Variants in RBFOX1 observed in about 807,000 individuals in gnomAD.
The protein encoded by RBFOX1 is RNA binding fox-1 homolog 1.
In RBFOX1, 8 loss-of-function variants were observed where a neutral mutation model predicts 57.7. The ratio of observed to expected loss-of-function variants is 0.14; its 90% CI spans 0.08 to 0.25. RBFOX1 has a LOEUF of 0.25. RBFOX1 is among the 10% of genes least tolerant of loss of function. RBFOX1 has a pLI of 1.00. For missense variants in RBFOX1, 611 were observed against 548.5 expected (o/e 1.11, Z -1.14); for synonymous variants, 326 against 222.4 (o/e 1.47, Z -4.15).
At chr16:6,014,941 A>C (rs76643839), upstream of RBFOX1, among the ~76,000 whole-genome samples, 16,350 of 150,926 alleles carry the variant, frequency 0.11, 1,265 homozygotes, top group African/African-American at 0.22. Context: ...CTGTAGCCTC[A>C]AGCTCCCAGG....
chr16:5,963,482 G>A (rs967299008), intron 4 of RBFOX1, among the ~76,000 whole-genome samples: 4 of 152,304 alleles, frequency 2.6e-5, no homozygotes, highest in African/African-American at 9.6e-5. Context: ...GAAGCTGGAG[G>A]TATCACACTT....
At chr16:7,241,590 C>T (rs985257362) in intron 4 of RBFOX1, among the ~76,000 whole-genome samples, 3 of 151,944 alleles carry the variant, frequency 2.0e-5, no homozygotes, top group Admixed American at 6.6e-5. Context: ...AAGAGGGTTA[C>T]TTAAAATGTT....
At chr16:6,831,802 C>T (rs761688989) in intron 3 of RBFOX1, among the ~76,000 whole-genome samples, 2 of 152,246 alleles carry the variant, frequency 1.3e-5, no homozygotes, top group East Asian at 1.9e-4. Flanking sequence ...GTGGGAAGAA[C>T]AAGACCCAGC....
chr16:7,557,248 C>T (rs1416163778), intron 5 of RBFOX1, among the ~76,000 whole-genome samples: 2 of 152,066 alleles, frequency 1.3e-5, no homozygotes, highest in African/African-American at 4.8e-5. Flanking sequence ...GTACTTAGCA[C>T]AGCTTTATTG....
At chr16:7,224,895 A>C (rs2092994890) in intron 4 of RBFOX1, among the ~76,000 whole-genome samples, 1 of 152,148 alleles carries the variant, frequency 6.6e-6, no homozygotes, top group South Asian at 2.1e-4. Context: ...AGGTGATTTC[A>C]TGTACTTTGA....
At chr16:5,284,489 CA>C (rs2063343363) in intron 1 of RBFOX1, among the ~76,000 whole-genome samples, 1 of 150,974 alleles carries the variant, frequency 6.6e-6, no homozygotes, top group Non-Finnish European at 1.5e-5. Flanking sequence ...AGGACCACAA[CA>C]AACAAGACAC....
intron 2 of RBFOX1, among the ~76,000 whole-genome samples, chr16:6,529,973 G>A (rs1358495279): frequency 1.3e-5 from 2 of 152,032 alleles, no homozygotes; most frequent in Admixed American, 6.6e-5. Flanking sequence ...TCAACTTTCT[G>A]GTCCCTTTTG....
At chr16:5,250,565 G>T (rs1236838834) in intron 1 of RBFOX1, among the ~76,000 whole-genome samples, 1 of 152,070 alleles carries the variant, frequency 6.6e-6, no homozygotes. Context: ...CTCTGTGCAC[G>T]CAAGCACATG....
chr16:6,116,686 T>C (rs2096498737), intron 1 of RBFOX1, among the ~76,000 whole-genome samples: 1 of 152,208 alleles, frequency 6.6e-6, no homozygotes, highest in African/African-American at 2.4e-5. Flanking sequence ...GCATCTTTCA[T>C]TGCCGTTTAA....
At chr16:6,353,440 T>G (rs2086744857) in intron 2 of RBFOX1, among the ~76,000 whole-genome samples, 2 of 151,912 alleles carry the variant, frequency 1.3e-5, no homozygotes, top group African/African-American at 2.4e-5. Context: ...ATATAACTTG[T>G]CATTTATTTG....
rs1447460834 is a variant in RBFOX1 at position 6,794,280 on chromosome 16, A to AC, written c.-16+139630_-16+139631insC. Among the ~76,000 whole-genome samples the AC allele has an allele frequency of 1.3e-3, 160 of 125,206 alleles. 2 individuals are homozygous for AC. The highest frequency in any genetic ancestry group is 3.7e-3 in the South Asian group (14 of 3,750). The allele number at this position is 125,206 out of a possible 152,430, so 82.1% of individuals were successfully genotyped here. A position where few individuals can be genotyped will look rare whatever the true frequency, so the allele number is the denominator to read the frequency against. ...GTTGTGTGTTGTTTTCTTGTTCGTG[A>AC]TTTTTTTTTTTTTTTTTTTTTACAA... On this transcript the variant is annotated intron_variant, in intron 3 of 15. Coordinates refer to ENST00000550418, the MANE Select transcript of RBFOX1 (RefSeq NM_018723.4).
chr16:5,993,199 G>A (rs1244181608), intron 4 of RBFOX1, among the ~76,000 whole-genome samples: 1 of 152,148 alleles, frequency 6.6e-6, no homozygotes, highest in Non-Finnish European at 1.5e-5. Context: ...GCAACACATG[G>A]ATGCAGGTAC....
At chr16:7,214,228 G>C (rs1302213032) in intron 4 of RBFOX1, among the ~76,000 whole-genome samples, 3 of 152,126 alleles carry the variant, frequency 2.0e-5, no homozygotes, top group Non-Finnish European at 4.4e-5. Flanking sequence ...AATTTTCTGT[G>C]AAGTGTTTTT....
intron 3 of RBFOX1, among the ~76,000 whole-genome samples, chr16:6,829,960 A>G (rs1252659048): frequency 6.6e-6 from 1 of 150,910 alleles, no homozygotes; most frequent in African/African-American, 2.4e-5. Context: ...CTTGTTGCCC[A>G]GGCTGGAGTG....
intron 3 of RBFOX1, among the ~76,000 whole-genome samples, chr16:6,859,062 A>C (rs933439064): frequency 6.8e-6 from 1 of 146,004 alleles, no homozygotes; most frequent in African/African-American, 2.5e-5. Flanking sequence ...AGGAGGAATT[A>C]AGTTATGCTC....
intron 9 of RBFOX1, among the ~76,000 whole-genome samples, chr16:7,603,968 G>A (rs2095172277): frequency 6.6e-6 from 1 of 152,136 alleles, no homozygotes; most frequent in African/African-American, 2.4e-5. Flanking sequence ...GGGCATTTCT[G>A]CTGTTGAACT....
chr16:7,381,436 T>C (rs1450202232), intron 4 of RBFOX1, among the ~76,000 whole-genome samples: 1 of 152,222 alleles, frequency 6.6e-6, no homozygotes, highest in Non-Finnish European at 1.5e-5. Context: ...CTGAAATTCC[T>C]GTTTTCTCAA....
intron 10 of RBFOX1, among the ~76,000 whole-genome samples, chr16:7,614,075 C>G (rs907754038): frequency 1.3e-5 from 2 of 152,198 alleles, no homozygotes; most frequent in Non-Finnish European, 2.9e-5. Context: ...AACACTTTCT[C>G]ATACCCACCA....
intron 4 of RBFOX1, among the ~76,000 whole-genome samples, chr16:7,243,303 G>A (rs765906997): frequency 6.6e-6 from 1 of 152,154 alleles, no homozygotes; most frequent in Admixed American, 6.6e-5. Context: ...CGTGACAGCT[G>A]TGTGACCTTA....
Sources: allele counts gnomAD v4.1 joint callset (sites outside exome capture counted in the v4.1 genomes callset), GRCh38; gene constraint gnomAD v4.1.1; transcripts MANE v1.5; gene names NCBI Gene and HGNC (gene_info 2026-07-23, HGNC 2026-07-21).